ZP4: variants seen among roughly 807,000 people sequenced by gnomAD.
ZP4 encodes zona pellucida sperm-binding protein 4.
In ZP4, 62 loss-of-function variants were observed where a neutral mutation model predicts 62.3. The ratio of observed to expected loss-of-function variants is 0.99; its 90% CI spans 0.81 to 1.23. ZP4 has a LOEUF of 1.23. Among genes scored for constraint, ZP4 ranks in the 50% most tolerant of loss-of-function variants. The pLI, the probability that ZP4 is intolerant of heterozygous loss-of-function variation, is 0.00. For missense variants in ZP4, 774 were observed against 656.0 expected, an observed-to-expected ratio of 1.18 and a Z score of -1.97; for synonymous variants, 289 against 247.3, an observed-to-expected ratio of 1.17 and a Z score of -1.58.
In ZP4 at chr1:237,890,113, C is replaced by T; in HGVS notation, c.239G>A (p.Gly80Asp). The change falls in exon 2 of 12, where the codon GGT (glycine) becomes GAT (aspartate). Residue 80 changes from glycine to aspartate, a missense_variant. Physicochemically the swap from Gly to Asp is moderately conservative, Grantham distance 94. Coordinates refer to ENST00000366570, the MANE Select transcript of ZP4 (RefSeq NM_021186.5). ...CTCCAACACCACGGAGCTGCCTGGA[C>T]CTTTTCTTATCCAGGTGCCACAGTC... ...DSDCGTWIRK[G>D]PGSSVVLEAT... 3 of 1,614,116 alleles carry T rather than the reference C, an allele frequency of 1.9e-6. No homozygotes were observed. Among genetic ancestry groups the T allele is most frequent in the South Asian group, 2.2e-5 (2 of 91,076 alleles).
chr1:237,883,997 C>CACACACACACACACAA (rs1558530849), intron 10 of ZP4, among the ~76,000 whole-genome samples: 68 of 98,896 alleles, frequency 6.9e-4, no homozygotes, highest in Non-Finnish European at 3.6e-4. Flanking sequence ...CACACACACA[C>CACACACACACACACAA]ACACACACAC....
At chr1:237,888,778 G>T (rs1341523690) in intron 3 of ZP4, among the ~76,000 whole-genome samples, 2 of 152,116 alleles carry the variant, frequency 1.3e-5, no homozygotes, top group Admixed American at 6.5e-5. Context: ...GCAGTTGGGG[G>T]GTTTCTTACT....
intron 5 of ZP4, 142 bp downstream of exon 5, chr1:237,887,232 T>TA (rs1665124424): frequency 3.2e-6 from 3 of 933,146 alleles, no homozygotes; most frequent in Non-Finnish European, 4.9e-6. Context: ...GATGAGGCAT[T>TA]CTCCTGCCCT....
At chr1:237,889,814 T>A (rs1665193877) in intron 3 of ZP4, 53 bp downstream of exon 3, 18 of 1,531,580 alleles carry the variant, frequency 1.2e-5, no homozygotes, top group Non-Finnish European at 1.5e-5. Context: ...AAGAGTACTT[T>A]CACACCCCAC....
At chr1:237,885,654 G>A (rs1665083830) in intron 7 of ZP4, 74 bp from the exon 8 acceptor site, 2 of 1,592,394 alleles carry the variant, frequency 1.3e-6, no homozygotes, top group South Asian at 1.2e-5. Flanking sequence ...CCTTTAAATA[G>A]CCCCAAGCCC....
intron 10 of ZP4, 147 bp from the exon 11 acceptor site, chr1:237,882,993 G>C (rs1385625326): frequency 1.8e-6 from 1 of 558,806 alleles, no homozygotes; most frequent in African/African-American, 1.9e-5. Flanking sequence ...ATATGTACTT[G>C]AACAAGTGAG....
chr1:237,883,189 A>AAAAC (rs1664956014), intron 10 of ZP4, among the ~76,000 whole-genome samples: 1 of 152,204 alleles, frequency 6.6e-6, no homozygotes, highest in Non-Finnish European at 1.5e-5. Flanking sequence ...AGATGCAGAG[A>AAAAC]AAACAATTTA....
chr1:237,890,263 G>T, intron 1 of ZP4, 87 bp from the exon 2 acceptor site: 7 of 1,592,866 alleles, frequency 4.4e-6, no homozygotes, highest in Non-Finnish European at 6.0e-6. Flanking sequence ...AGACCCCAAG[G>T]AGCAACTGTC....
chr1:237,886,956 C>G, intron 5 of ZP4, 88 bp from the exon 6 acceptor site: 1 of 1,134,252 alleles, frequency 8.8e-7, no homozygotes, highest in Non-Finnish European at 1.3e-6. Flanking sequence ...AGCAATGCTA[C>G]CCTGTTGTAT....
chr1:237,890,419 C>G, intron 1 of ZP4, 42 bp downstream of exon 1: 1 of 1,581,174 alleles, frequency 6.3e-7, no homozygotes, highest in Non-Finnish European at 8.6e-7. Flanking sequence ...GTAGAGGAGA[C>G]ATATCATTGC....
chr1:237,886,428 G>T (rs891566026), intron 6 of ZP4, among the ~76,000 whole-genome samples: 1 of 151,750 alleles, frequency 6.6e-6, no homozygotes, highest in Non-Finnish European at 1.5e-5. Flanking sequence ...TGATTTGACT[G>T]ACTTAAGGTT....
intron 6 of ZP4, 105 bp downstream of exon 6, chr1:237,886,666 A>G (rs1665109145): frequency 5.6e-6 from 5 of 896,902 alleles, no homozygotes; most frequent in African/African-American, 1.7e-5. Flanking sequence ...AAGGTAGCAG[A>G]CAGGTTTTCT....
intron 6 of ZP4, 75 bp downstream of exon 6, chr1:237,886,696 C>A: frequency 8.0e-7 from 1 of 1,251,192 alleles, no homozygotes; most frequent in South Asian, 1.3e-5. Flanking sequence ...GAGGAATGCT[C>A]ATTTGTGGAT....
At chr1:237,887,304 C>T in intron 5 of ZP4, 70 bp downstream of exon 5, 1 of 1,541,186 alleles carries the variant, frequency 6.5e-7, no homozygotes, top group Non-Finnish European at 8.8e-7. Context: ...CATATTTCAG[C>T]TCTCCCCCAC....
rs1376152622 is a variant in ZP4 at position 237,885,290 on chromosome 1, G to A, written c.1186C>T (p.Gln396Ter). The change falls in exon 9 of 12, where the codon CAG becomes TAG. Residue 396 changes from glutamine to a stop codon, truncating the protein, a stop_gained. Coordinates refer to ENST00000366570, the MANE Select transcript of ZP4 (RefSeq NM_021186.5). LOFTEE classifies it high-confidence loss of function. ...TTCTGGACAGGGATCAGCTGGGTCT[G>A]ATAGTTGTCTCCAATGTAGGGGCAG... ...KGCPYIGDNY[Q>*]TQLIPVQKAL... 1 of 1,614,150 alleles carries A rather than the reference G, an allele frequency of 6.2e-7. No individual in the cohort carries two copies. The highest frequency in any genetic ancestry group is 8.5e-7 in the Non-Finnish European group (1 of 1,180,002).
At chr1:237,888,272 T>C (rs1665153827) in intron 4 of ZP4, 86 bp downstream of exon 4, 2 of 1,401,602 alleles carry the variant, frequency 1.4e-6, no homozygotes, top group Admixed American at 2.3e-5. Flanking sequence ...CACTTGATGT[T>C]TGCCTTCTGA....
chr1:237,889,108 G>A (rs1432667003), intron 3 of ZP4, among the ~76,000 whole-genome samples: 1 of 152,116 alleles, frequency 6.6e-6, no homozygotes, highest in East Asian at 1.9e-4. Flanking sequence ...TCCAGCTTGT[G>A]GGATGGAAGA....
intron 10 of ZP4, among the ~76,000 whole-genome samples, chr1:237,884,099 G>A (rs990881146): frequency 1.4e-5 from 2 of 146,086 alleles, no homozygotes; most frequent in African/African-American, 5.2e-5. Context: ...CACAAACAGT[G>A]TAGAACTGTT....
chr1:237,886,648 G>C, intron 6 of ZP4, 123 bp downstream of exon 6: 1 of 745,682 alleles, frequency 1.3e-6, no homozygotes, highest in Non-Finnish European at 2.2e-6. Flanking sequence ...CAGTGCAATT[G>C]GTGAACCAAG....
Sources: allele counts gnomAD v4.1 joint callset (sites outside exome capture counted in the v4.1 genomes callset), GRCh38; gene constraint gnomAD v4.1.1; transcripts MANE v1.5; gene names NCBI Gene and HGNC (gene_info 2026-07-23, HGNC 2026-07-21).